Variants in LRRC36 observed in about 807,000 individuals in gnomAD.
LRRC36 encodes the protein leucine-rich repeat-containing protein 36.
A neutral mutation model predicts 81.1 loss-of-function variants in LRRC36; 62 were observed. That is an observed-to-expected ratio of 0.76 (90% CI 0.62 to 0.94). LRRC36 has a LOEUF of 0.94. LRRC36 is among the 40% of genes least tolerant of loss of function. The pLI is 0.00. For synonymous variants in LRRC36, 334 were observed against 348.6 expected (o/e 0.96, Z 0.47); for missense variants, 761 against 881.7 (o/e 0.86, Z 1.73).
intron 7 of LRRC36, among the ~76,000 whole-genome samples, chr16:67,366,139 TTC>T (rs200957970): frequency 6.6e-6 from 1 of 151,246 alleles, no homozygotes; most frequent in African/African-American, 2.5e-5. Flanking sequence ...TCCCACTTCC[TTC>T]TCTCTTTTTT....
At chr16:67,334,393 C>T (rs139456468) in intron 1 of LRRC36, among the ~76,000 whole-genome samples, 2,221 of 152,010 alleles carry the variant, frequency 0.015, 18 homozygotes, top group Non-Finnish European at 0.023. Context: ...GGCACGATCT[C>T]GGCTCACAGC....
At chr16:67,338,951 G>C (rs1051494545) in intron 1 of LRRC36, among the ~76,000 whole-genome samples, 1 of 129,110 alleles carries the variant, frequency 7.7e-6, no homozygotes, top group African/African-American at 2.9e-5. Flanking sequence ...CTGGAGTGCA[G>C]TGATGCGATC....
chr16:67,381,621 A>AT lies in LRRC36; in HGVS notation c.1931-501dup, dbSNP rs34896142. The stretch of plus-strand genomic sequence containing the variant: ...AGAAAAATGAACCAACATGTGCAAT[A>AT]TTTTTTTTTTTGAGACGGAGTCTCA... On this transcript the variant is annotated intron_variant, in intron 12 of 13. Coordinates refer to ENST00000329956, the MANE Select transcript of LRRC36 (RefSeq NM_018296.6). Among the ~76,000 whole-genome samples, 306 of 149,060 alleles carry AT rather than the reference A, an allele frequency of 2.1e-3. 1 individual carries two copies. Among genetic ancestry groups the AT allele is most frequent in the African/African-American group, 6.3e-3 (256 of 40,850 alleles).
chr16:67,378,743 C>T lies in LRRC36; in HGVS notation c.1930+31C>T, dbSNP rs372735944. ...TTGAGGAAAGCCATGATATATGAGG[C>T]CTCTCAAGACAACTGTTTGTTTATA... On this transcript the variant is annotated intron_variant, in intron 12 of 13. Transcript: ENST00000329956. 5.6e-6 allele frequency: 9 copies of T among 1,608,092 alleles called. No individual in the cohort carries two copies. The African/African-American group carries it at 1.1e-4, about 19-fold the overall frequency.
chr16:67,367,583 C>T (rs1213460492), intron 8 of LRRC36, 126 bp downstream of exon 8: 15 of 834,730 alleles, frequency 1.8e-5, no homozygotes, highest in Non-Finnish European at 2.6e-5. Context: ...TTTAGGGTCA[C>T]CAGTGGTTCT....
chr16:67,359,024 A>T (rs937394556), intron 5 of LRRC36, among the ~76,000 whole-genome samples: 1 of 152,238 alleles, frequency 6.6e-6, no homozygotes, highest in Non-Finnish European at 1.5e-5. Context: ...CTATAAAAAA[A>T]GCAATGTCAA....
rs1030621310 is a variant in LRRC36 at position 67,367,294 on chromosome 16, T to A, written c.1032T>A (p.His344Gln). The A allele has an allele frequency of 6.2e-7, 1 of 1,614,066 alleles. No individual in the cohort carries two copies. The highest frequency in any genetic ancestry group is 1.3e-5 in the African/African-American group (1 of 74,944). The change falls in exon 8 of 14, where the codon CAT becomes CAA. Residue 344 changes from histidine to glutamine, a missense_variant. By Grantham distance (24) the His-to-Gln change is conservative. Around this residue, in one of 3 missense-constraint regions of LRRC36, gnomAD observed 139 missense variants for 214.0 expected, o/e 0.65. Transcript: ENST00000329956. Reference sequence around the variant, plus strand: ...GTTATTCTCAAACTCTATCCCTGCATGGAAGTCTTGGTAAAAGGCCTCAGA... The same window carrying A: ...GTTATTCTCAAACTCTATCCCTGCAAGGAAGTCTTGGTAAAAGGCCTCAGA... The part of the protein sequence containing the change: ...DSCYSQTLSL[H>Q]GSLGKRPQRS...
chr16:67,351,055 A>G (rs1398941495), intron 5 of LRRC36, among the ~76,000 whole-genome samples: 1 of 152,178 alleles, frequency 6.6e-6, no homozygotes, highest in Non-Finnish European at 1.5e-5. Flanking sequence ...ATAAATAAAT[A>G]AAAAATAAAT....
At chr16:67,344,706 A>G (rs2038260697) in intron 2 of LRRC36, among the ~76,000 whole-genome samples, 1 of 152,180 alleles carries the variant, frequency 6.6e-6, no homozygotes, top group South Asian at 2.1e-4. Context: ...ATTCCTCACC[A>G]CTGACCCATT....
intron 5 of LRRC36, among the ~76,000 whole-genome samples, chr16:67,353,326 A>G (rs1369871911): frequency 2.0e-5 from 3 of 152,080 alleles, no homozygotes; most frequent in Non-Finnish European, 4.4e-5. Flanking sequence ...GCCCTGTAGT[A>G]TGATCCACAA....
intron 5 of LRRC36, among the ~76,000 whole-genome samples, chr16:67,361,779 C>G (rs1286576678): frequency 1.3e-5 from 2 of 152,078 alleles, no homozygotes; most frequent in African/African-American, 4.8e-5. Flanking sequence ...GTTGGCCACG[C>G]TGGTCTCGAA....
intron 1 of LRRC36, among the ~76,000 whole-genome samples, chr16:67,328,955 G>T (rs2037341341): frequency 6.6e-6 from 1 of 152,054 alleles, no homozygotes; most frequent in Non-Finnish European, 1.5e-5. Context: ...TGTCACCCAG[G>T]CTCTAGGGCA....
In LRRC36 at chr16:67,382,262, A is replaced by C. The variant is rs1465805573; in HGVS notation, c.2045+15A>C. The C allele has an allele frequency of 6.4e-7, 1 of 1,572,710 alleles. No homozygotes were observed. Among genetic ancestry groups the C allele is most frequent in the Non-Finnish European group, 8.7e-7 (1 of 1,146,594 alleles). On this transcript the variant is annotated intron_variant, in intron 13 of 13. Coordinates refer to ENST00000329956, the MANE Select transcript of LRRC36 (RefSeq NM_018296.6). ...GAAAGTCAGAGGTAGGAGAGGGTCT[A>C]TCTAGCTTGCTTCTAGAAGCAGATA...
chr16:67,336,249 C>T (rs1027128431), intron 1 of LRRC36, among the ~76,000 whole-genome samples: 9 of 152,202 alleles, frequency 5.9e-5, no homozygotes, highest in Non-Finnish European at 1.3e-4. Context: ...TATTGAAGGA[C>T]ATCTTGGTTG....
At chr16:67,365,076 T>G (rs1567490979) in intron 6 of LRRC36, 1 of 467,788 alleles carries the variant, frequency 2.1e-6, no homozygotes, top group African/African-American at 2.0e-5. Flanking sequence ...AGTCATTGTT[T>G]GCTATGTCCT....
intron 6 of LRRC36, chr16:67,365,030 C>T (rs2039318929): frequency 3.0e-6 from 1 of 331,778 alleles, no homozygotes; most frequent in African/African-American, 2.1e-5. Flanking sequence ...TGGCCCTCAT[C>T]TACCTTCTAT....
chr16:67,378,115 G>A (rs2039973519), intron 11 of LRRC36, among the ~76,000 whole-genome samples: 1 of 151,992 alleles, frequency 6.6e-6, no homozygotes, highest in Non-Finnish European at 1.5e-5. Context: ...CTGCTTTTGA[G>A]CTGTATTTAC....
At chr16:67,353,008 T>A (rs2038728400) in intron 5 of LRRC36, among the ~76,000 whole-genome samples, 1 of 152,128 alleles carries the variant, frequency 6.6e-6, no homozygotes, top group South Asian at 2.1e-4. Flanking sequence ...TTATATTTAT[T>A]TTATAGTCTT....
chr16:67,344,758 C>T (rs1381264333), intron 2 of LRRC36, among the ~76,000 whole-genome samples: 1 of 151,362 alleles, frequency 6.6e-6, no homozygotes, highest in Non-Finnish European at 1.5e-5. Context: ...ACAACAACAA[C>T]AAAAAAAACA....
Sources: gnomAD v4.1 joint callset for allele counts (sites outside exome capture counted in the v4.1 genomes callset) on GRCh38, gnomAD v4.1.1 for gene constraint, gnomAD v4.1.1 regional missense constraint, MANE v1.5 for transcripts, NCBI Gene and HGNC (gene_info 2026-07-23, HGNC 2026-07-21) for gene names.